Variants in RAF1 observed in about 807,000 individuals in gnomAD.
RAF1 encodes the protein Raf-1 proto-oncogene, serine/threonine kinase.
RAF1 carries 27 observed loss-of-function variants against 81.1 expected under a neutral mutation model. The observed-to-expected ratio is 0.33, with a 90% CI of 0.25 to 0.46. The LOEUF is 0.46. RAF1 is among the 20% of genes least tolerant of loss of function. The pLI is 1.00. For synonymous variants in RAF1, 298 were observed against 294.0 expected (o/e 1.01, Z -0.14); for missense variants, 598 against 826.0 (o/e 0.72, Z 3.38).
chr3:12,619,270 C>T (rs1043298751), intron 1 of RAF1, among the ~76,000 whole-genome samples: 1 of 147,566 alleles, frequency 6.8e-6, no homozygotes, highest in African/African-American at 2.5e-5. Flanking sequence ...CAAAACAAAA[C>T]ATTTAGCAAG....
chr3:12,585,899 C>G, intron 14 of RAF1, 100 bp from the exon 14 acceptor site: 1 of 858,568 alleles, frequency 1.2e-6, no homozygotes. Flanking sequence ...TCCACCTTAC[C>G]TCTGTCACAG....
rs2125346677 is a variant in RAF1, at chr3:12,591,678, G to C, written c.1253+30C>G. 2.5e-6 allele frequency: 4 copies of C among 1,590,564 alleles called. No homozygotes were observed. The South Asian group carries it at 4.4e-5, about 18-fold the overall frequency. On this transcript the variant is annotated intron_variant, in intron 12 of 17. Coordinates refer to ENST00000442415, the MANE Select transcript of RAF1 (RefSeq NM_001354689.3). The stretch of plus-strand genomic sequence containing the variant: ...TTGTACTCCCCACTCCAGCACTCCA[G>C]AGGGACTGGACCGCCAGCTTTCTAC...
intron 6 of RAF1, 84 bp downstream of exon 6, chr3:12,606,117 G>A (rs768773040): frequency 9.9e-7 from 1 of 1,013,762 alleles, no homozygotes; most frequent in Non-Finnish European, 1.5e-6. Context: ...GGAATGCGAA[G>A]AAACTCTTAT....
At chr3:12,599,612 C>T in intron 11 of RAF1, 79 bp downstream of exon 10, 1 of 1,040,112 alleles carries the variant, frequency 9.6e-7, no homozygotes, top group South Asian at 1.3e-5. Context: ...TCAGTCCTCT[C>T]CTCCTCCTGG....
At chr3:12,635,659 A>AAGAG (rs1199727149) in intron 1 of RAF1, among the ~76,000 whole-genome samples, 3 of 123,698 alleles carry the variant, frequency 2.4e-5, no homozygotes, top group African/African-American at 6.7e-5. Context: ...AAAAAAAAAA[A>AAGAG]AGAGAGAGAG....
At chr3:12,614,585 C>A (rs1306726777) in intron 2 of RAF1, among the ~76,000 whole-genome samples, 1 of 147,578 alleles carries the variant, frequency 6.8e-6, no homozygotes, top group African/African-American at 2.5e-5. Flanking sequence ...AGCACCACTT[C>A]TAGCTAATGT....
chr3:12,626,103 T>A (rs529355366), intron 1 of RAF1, among the ~76,000 whole-genome samples: 1 of 151,436 alleles, frequency 6.6e-6, no homozygotes, highest in East Asian at 1.9e-4. Flanking sequence ...CTATTTCTAC[T>A]AAAAATACAA....
intron 11 of RAF1, among the ~76,000 whole-genome samples, chr3:12,594,769 A>G (rs1434468999): frequency 6.6e-6 from 1 of 152,184 alleles, no homozygotes; most frequent in African/African-American, 2.4e-5. Flanking sequence ...CTACTATGCA[A>G]ATACATATCA....
At chr3:12,618,331 G>A (rs935301878) in intron 2 of RAF1, among the ~76,000 whole-genome samples, 184 bp downstream of exon 2, 3 of 151,700 alleles carry the variant, frequency 2.0e-5, no homozygotes, top group Admixed American at 2.0e-4. Flanking sequence ...AGGCCAAGAG[G>A]TAGGAAAAAA....
At chr3:12,636,454 A>C (rs2060034597) in intron 1 of RAF1, among the ~76,000 whole-genome samples, 1 of 150,756 alleles carries the variant, frequency 6.6e-6, no homozygotes, top group Admixed American at 6.6e-5. Context: ...AAAAAAAAAA[A>C]AACTGATTGA....
chr3:12,612,851 G>C (rs1163010683), intron 2 of RAF1, among the ~76,000 whole-genome samples: 9 of 152,096 alleles, frequency 5.9e-5, no homozygotes, highest in Non-Finnish European at 5.9e-5. Flanking sequence ...AGATTCATTA[G>C]AGAGGAAATA....
chr3:12,604,363 G>T, intron 6 of RAF1, 74 bp from the exon 7 acceptor site: 1 of 1,495,908 alleles, frequency 6.7e-7, no homozygotes, highest in South Asian at 1.2e-5. Flanking sequence ...GTACATATTT[G>T]ACTAAGTAAG....
intron 2 of RAF1, 29 bp from the exon 3 acceptor site, chr3:12,612,091 A>G: frequency 1.9e-6 from 3 of 1,565,914 alleles, no homozygotes; most frequent in Non-Finnish European, 2.6e-6. Flanking sequence ...CTTTAGGACC[A>G]ACACAGGCTG....
intron 11 of RAF1, 52 bp downstream of exon 10, chr3:12,599,639 T>A: frequency 6.9e-7 from 1 of 1,456,676 alleles, no homozygotes; most frequent in East Asian, 2.3e-5. Context: ...GGGCTGAAAC[T>A]TGACTTCACA....
intron 14 of RAF1, among the ~76,000 whole-genome samples, chr3:12,586,448 A>C (rs2058336823): frequency 1.3e-5 from 2 of 152,184 alleles, no homozygotes; most frequent in African/African-American, 4.8e-5. Flanking sequence ...CAAAACACAC[A>C]CAAAGTAACT....
intron 1 of RAF1, among the ~76,000 whole-genome samples, chr3:12,659,060 A>T (rs759080142): frequency 3.3e-5 from 5 of 152,180 alleles, no homozygotes; most frequent in Non-Finnish European, 5.9e-5. Flanking sequence ...GTAAAATTAA[A>T]GATCAAACCT....
intron 13 of RAF1, chr3:12,587,867 G>A (rs2058378817): frequency 2.7e-6 from 1 of 365,818 alleles, no homozygotes; most frequent in East Asian, 4.0e-5. Context: ...AGACTGGAGT[G>A]CAGTCAATAG....
At chr3:12,634,210 T>C (rs13086363) in intron 1 of RAF1, among the ~76,000 whole-genome samples, 90,362 of 150,108 alleles carry the variant, frequency 0.6, 27,687 homozygotes, top group East Asian at 0.92. Flanking sequence ...TGCAGTGGCA[T>C]GACCTTGCTC....
In RAF1 at chr3:12,593,562, C is replaced by G. The variant is rs141844568; in HGVS notation, c.1169-1770G>C. On this transcript the variant is annotated intron_variant, in intron 11 of 17. Transcript: ENST00000442415. The stretch of plus-strand genomic sequence containing the variant: ...TGCACATGTGTTTGCCATGGGCTGC[C>G]GGTGAAGGTGCTGTTGACTGGATGG... Among the ~76,000 whole-genome samples, 297 of 152,004 alleles carry G rather than the reference C, an allele frequency of 2.0e-3. 1 individual carries two copies. The highest frequency in any genetic ancestry group is 6.3e-3 in the African/African-American group (260 of 41,470).
Sources: gnomAD v4.1 joint callset for allele counts (sites outside exome capture counted in the v4.1 genomes callset) on GRCh38, gnomAD v4.1.1 for gene constraint, MANE v1.5 for transcripts, NCBI Gene and HGNC (gene_info 2026-07-23, HGNC 2026-07-21) for gene names.